Variants in PIK3CG observed in about 807,000 individuals in gnomAD.
PIK3CG encodes phosphatidylinositol-4,5-bisphosphate 3-kinase catalytic subunit gamma, also known as phosphatidylinositol 4,5-bisphosphate 3-kinase catalytic subunit gamma isoform.
In PIK3CG, 55 loss-of-function variants were observed where a neutral mutation model predicts 102.3. That is an observed-to-expected ratio of 0.54 (90% confidence interval 0.43 to 0.67). The LOEUF (loss-of-function observed/expected upper bound fraction) is 0.67. Among genes scored for constraint, PIK3CG ranks in the 30% least tolerant of loss-of-function variants. The pLI is 0.00. For synonymous variants in PIK3CG, 552 were observed against 540.0 expected (o/e 1.02, Z -0.31); for missense variants, 1,258 against 1,391.8 (o/e 0.90, Z 1.53).
At chr7:106,901,855 G>A (rs1018918385) in intron 10 of PIK3CG, among the ~76,000 whole-genome samples, 24 of 152,270 alleles carry the variant, frequency 1.6e-4, no homozygotes, top group African/African-American at 5.8e-4. Context: ...TGAAGCTTTG[G>A]GGTATGATCC....
At chr7:106,875,983 C>T (rs1352368252) in intron 5 of PIK3CG, among the ~76,000 whole-genome samples, 1 of 147,866 alleles carries the variant, frequency 6.8e-6, no homozygotes, top group African/African-American at 2.5e-5. Flanking sequence ...GGCGCAATCT[C>T]GGCTCACTGC....
rs764563593 is a variant in PIK3CG, at chr7:106,882,210, A to G, written c.2629+3A>G. 6 of 1,519,916 alleles carry G rather than the reference A, an allele frequency of 3.9e-6. No individual in the cohort carries two copies. In the Admixed American group the frequency reaches 7.4e-5, roughly 19 times the overall value. The allele number at this position is 1,519,916 out of a possible 1,614,324, so 94.2% of individuals were successfully genotyped here. ...CATTTCAACTGGTGACAAAATAGGT[A>G]TGTAGTTACCTCAGGAGATGAATAG... On this transcript the variant is annotated splice_donor_region_variant and intron_variant, in intron 7 of 10. Transcript: ENST00000496166.
At chr7:106,904,176 T>C (rs1027993417) in intron 10 of PIK3CG, among the ~76,000 whole-genome samples, 11 of 152,234 alleles carry the variant, frequency 7.2e-5, no homozygotes, top group Non-Finnish European at 1.5e-5. Flanking sequence ...TGAAGTAATA[T>C]ATTTTTTAAA....
chr7:106,868,089 G>T lies in PIK3CG; in HGVS notation c.528G>T (p.Thr176=), dbSNP rs369976624. 546 of 1,612,888 alleles carry T rather than the reference G, an allele frequency of 3.4e-4. 8 individuals are homozygous for T. In the South Asian group the frequency reaches 5.6e-3, roughly 17 times the overall value. The change falls in exon 2 of 11, where the codon ACG becomes ACT. Residue 176 remains threonine (T), a synonymous_variant. Transcript: ENST00000496166. The surrounding 1 kb of genome is among the most constrained non-coding windows in gnomAD (Gnocchi z 6.2). The part of the protein sequence containing the change: ...SNVHDDELEF[T]RRGLVTPRMA... ...TGCACGACGATGAGCTGGAGTTCAC[G>T]CGCCGTGGCTTGGTGACCCCGCGCA... is the stretch of plus-strand genomic sequence containing the variant.
chr7:106,896,576 G>A (rs1363681612), intron 10 of PIK3CG, among the ~76,000 whole-genome samples: 1 of 152,060 alleles, frequency 6.6e-6, no homozygotes, highest in African/African-American at 2.4e-5. Context: ...AATAATTTCC[G>A]GACATAAGTG....
rs1204683670 is a variant in PIK3CG at position 106,895,478 on chromosome 7, C to T, written c.3030+9186C>T. Among the ~76,000 whole-genome samples, 4 of 152,164 alleles carry T rather than the reference C, an allele frequency of 2.6e-5. No individual in the cohort carries two copies. The highest frequency in any genetic ancestry group is 7.2e-5 in the African/African-American group (3 of 41,442). On this transcript the variant is annotated intron_variant, in intron 10 of 10. Transcript: ENST00000496166. The surrounding 1 kb of genome is among the most constrained non-coding windows in gnomAD (Gnocchi z 5.4). ...GGCAGGGCAGGTGCTCGGCTGTGCC[C>T]CCCAGGGTGAGAGAACCACCTGCAG...
chr7:106,905,364 C>A lies in PIK3CG; in HGVS notation c.3286C>A (p.Gln1096Lys). 1 of 1,613,770 alleles carries A rather than the reference C, an allele frequency of 6.2e-7. No individual in the cohort carries two copies. The highest frequency in any genetic ancestry group is 8.5e-7 in the Non-Finnish European group (1 of 1,179,810). Residue 1096 changes from glutamine (Q) to lysine (K), a missense_variant, in exon 11 of 11, where the codon CAA becomes AAA. Physicochemically the swap from Gln to Lys is moderately conservative, Grantham distance 53 (BLOSUM62 1). Transcript: ENST00000496166. The surrounding 1 kb of genome is among the most constrained non-coding windows in gnomAD (Gnocchi z 5.6). Reference sequence around the variant, plus strand: ...TCTACATCTTGTTCTTGGCATCAAACAAGGAGAGAAACATTCAGCCTAATA... The same window carrying A: ...TCTACATCTTGTTCTTGGCATCAAAAAAGGAGAGAAACATTCAGCCTAATA... ...WFLHLVLGIK[Q>K]GEKHSA is the part of the protein sequence containing the mutation.
chr7:106,885,057 T>A (rs1791045861), intron 9 of PIK3CG, among the ~76,000 whole-genome samples: 1 of 152,160 alleles, frequency 6.6e-6, no homozygotes, highest in African/African-American at 2.4e-5. Context: ...GGGGAGCAGC[T>A]GTAAATACAG....
rs1248364349 is a variant in PIK3CG at position 106,897,585 on chromosome 7, T to C, written c.3031-7524T>C. On this transcript the variant is annotated intron_variant, in intron 10 of 10. Transcript: ENST00000496166. This position sits in a 1 kb window ranked among gnomAD's most constrained non-coding sequence, Gnocchi z 4.6. Reference sequence around the variant, plus strand: ...TCTGTTGTTTCCTTCCTTGTGTTCATAAGTTCTTATCATTTAGCTCCCACT... The same window carrying C: ...TCTGTTGTTTCCTTCCTTGTGTTCACAAGTTCTTATCATTTAGCTCCCACT... Among the ~76,000 whole-genome samples the C allele has an allele frequency of 6.6e-6, 1 of 152,192 alleles. No homozygotes were observed. The highest frequency in any genetic ancestry group is 6.5e-5 in the Admixed American group (1 of 15,284).
At position 106,883,009 on chromosome 7, in the gene PIK3CG, C is replaced by T. The variant is rs1157390157; in HGVS notation, c.2630-24C>T. ...CCAGGTACTGGCCCCCAATCTCCAT[C>T]AGACTCTGTGCATCCTTCTGTAGGA... On this transcript the variant is annotated intron_variant, in intron 7 of 10. Coordinates refer to ENST00000496166, the MANE Select transcript of PIK3CG (RefSeq NM_001282426.2). The surrounding 1 kb of genome is among the most constrained non-coding windows in gnomAD (Gnocchi z 5.8). 6.2e-7 allele frequency: 1 copy of T among 1,608,112 alleles called. No individual in the cohort carries two copies. The highest frequency in any genetic ancestry group is 1.7e-5 in the Admixed American group (1 of 59,780).
intron 2 of PIK3CG, among the ~76,000 whole-genome samples, chr7:106,871,199 A>G (rs993230269): frequency 8.5e-5 from 13 of 152,104 alleles, no homozygotes; most frequent in African/African-American, 2.9e-4. Context: ...TTCCTGATCA[A>G]AATGGTCTCC....
At position 106,869,340 on chromosome 7, in the gene PIK3CG, T is replaced by C. The variant is rs764655221; in HGVS notation, c.1779T>C (p.Phe593=). 2 of 1,614,258 alleles carry C rather than the reference T, an allele frequency of 1.2e-6. No homozygotes were observed. The highest frequency in any genetic ancestry group is 2.2e-5 in the South Asian group (2 of 91,086). Residue 593 remains phenylalanine (F), a synonymous_variant, in exon 2 of 11, where the codon TTT becomes TTC. Transcript: ENST00000496166. This position sits in a 1 kb window ranked among gnomAD's most constrained non-coding sequence, Gnocchi z 5.3. ...LKHPKAYPKL[F]SSVKWGQQEI... is the part of the protein sequence containing the mutation. ...ACCCAAAAGCATATCCTAAGCTATTTAGTTCAGTGAAATGGGGACAGCAAG... is the reference window on the plus strand; with the variant it reads ...ACCCAAAAGCATATCCTAAGCTATTCAGTTCAGTGAAATGGGGACAGCAAG...
Position 106,877,932 on chromosome 7 carries a change from TAA to T in PIK3CG, c.2392-1582_2392-1581del, listed in dbSNP as rs1410169490. The stretch of plus-strand genomic sequence containing the variant: ...AGTTACTATTTTTGCCCTAAACAGT[TAA>T]AAAATAGACTTAACAGACTTAATAG... On this transcript the variant is annotated intron_variant, in intron 5 of 10. Coordinates refer to ENST00000496166, the MANE Select transcript of PIK3CG (RefSeq NM_001282426.2). The surrounding 1 kb of genome is among the most constrained non-coding windows in gnomAD (Gnocchi z 4.5). Among the ~76,000 whole-genome samples, 1 of 152,214 alleles carries T rather than the reference TAA, an allele frequency of 6.6e-6. No homozygotes were observed. The highest frequency in any genetic ancestry group is 1.5e-5 in the Non-Finnish European group (1 of 68,034).
intron 1 of PIK3CG, among the ~76,000 whole-genome samples, chr7:106,866,279 T>C (rs755978880): frequency 1.2e-4 from 19 of 152,376 alleles, no homozygotes; most frequent in Admixed American, 3.9e-4. Context: ...TAGAATATAA[T>C]GTATTACAAT....
Position 106,891,695 on chromosome 7 carries a change from G to A in PIK3CG, c.3030+5403G>A, listed in dbSNP as rs574317853. 7.2e-5 allele frequency among the ~76,000 whole-genome samples: 11 copies of A among 152,036 alleles called. No homozygotes were observed. The highest frequency in any genetic ancestry group is 7.2e-5 in the African/African-American group (3 of 41,410). ...CAGACAAATCTATGCAAAGCAGGTC[G>A]TTTGAGGACTGTCTTTAAAAGGCAC... is the stretch of plus-strand genomic sequence containing the variant. On this transcript the variant is annotated intron_variant, in intron 10 of 10. Coordinates refer to ENST00000496166, the MANE Select transcript of PIK3CG (RefSeq NM_001282426.2). This position sits in a 1 kb window ranked among gnomAD's most constrained non-coding sequence, Gnocchi z 4.4.
rs73409297 is a variant in PIK3CG, at chr7:106,908,817, G to T, written c.*3430G>T. 1.3e-5 allele frequency among the ~76,000 whole-genome samples: 2 copies of T among 152,052 alleles called. No homozygotes were observed. Among genetic ancestry groups the T allele is most frequent in the African/African-American group, 2.4e-5 (1 of 41,388 alleles). ...CCAGAGCAAATCTGACCTAGCATTT[G>T]GTATGCTAGGCTCTGCTTTTCATGA... is the stretch of plus-strand genomic sequence containing the variant. On this transcript the variant is annotated 3_prime_UTR_variant, in exon 11 of 11. Transcript: ENST00000496166. This position sits in a 1 kb window ranked among gnomAD's most constrained non-coding sequence, Gnocchi z 4.1.
chr7:106,887,099 G>T lies in PIK3CG; in HGVS notation c.3030+807G>T, dbSNP rs192149403. 2.4e-3 allele frequency among the ~76,000 whole-genome samples: 372 copies of T among 152,304 alleles called. 3 individuals carry two copies. The highest frequency in any genetic ancestry group is 8.3e-3 in the African/African-American group (344 of 41,562). ...GCTACATTCGGGTTGGATGAGCTTG[G>T]CGTAGATTCTACTGGCTTTCCATTC... On this transcript the variant is annotated intron_variant, in intron 10 of 10. Transcript: ENST00000496166.
At position 106,886,279 on chromosome 7, in the gene PIK3CG, T is replaced by C; in HGVS notation, c.3017T>C (p.Phe1006Ser). 6.2e-7 allele frequency: 1 copy of C among 1,614,054 alleles called. No individual in the cohort carries two copies. Among genetic ancestry groups the C allele is most frequent in the Non-Finnish European group, 8.5e-7 (1 of 1,179,958 alleles). ...GTSGKKTSPH[F>S]QKFQDICVKA... ...TCTGGAAAGAAGACAAGCCCACACT[T>C]CCAGAAATTTCAGGTAAGTCACCTC... Residue 1006 changes from phenylalanine (F) to serine (S), a missense_variant, in exon 10 of 11, where the codon TTC becomes TCC. By Grantham distance (155) the Phe-to-Ser change is radical. This residue lies in a region of PIK3CG where 426 missense variants were observed against 604.2 expected (regional missense o/e 0.71). Coordinates refer to ENST00000496166, the MANE Select transcript of PIK3CG (RefSeq NM_001282426.2).
In PIK3CG at chr7:106,867,217, C is replaced by T. The variant is rs923049236; in HGVS notation, c.-12-333C>T. Among the ~76,000 whole-genome samples, 1 of 152,082 alleles carries T rather than the reference C, an allele frequency of 6.6e-6. No individual in the cohort carries two copies. The highest frequency in any genetic ancestry group is 2.4e-5 in the African/African-American group (1 of 41,398). On this transcript the variant is annotated intron_variant, in intron 1 of 10. Transcript: ENST00000496166. The surrounding 1 kb of genome is among the most constrained non-coding windows in gnomAD (Gnocchi z 5.1). ...ACAAAAGTAGAACGACCAATAAGCCCCCATATACCTGTCACCCATATTGAA... is the reference window on the plus strand; with the variant it reads ...ACAAAAGTAGAACGACCAATAAGCCTCCATATACCTGTCACCCATATTGAA...
Sources: gnomAD v4.1 joint callset for allele counts (sites outside exome capture counted in the v4.1 genomes callset) on GRCh38, gnomAD v4.1.1 for gene constraint, gnomAD v4.1.1 regional missense constraint, Gnocchi (gnomAD v3.1) non-coding constraint, MANE v1.5 for transcripts, NCBI Gene and HGNC (gene_info 2026-07-23, HGNC 2026-07-21) for gene names.